PKD2: variants seen among roughly 807,000 people sequenced by gnomAD.
The protein encoded by PKD2 is polycystin 2, transient receptor potential cation channel.
Under a neutral mutation model 105.9 loss-of-function variants are expected in PKD2, and 48 were observed. The observed-to-expected ratio is 0.45, with a 90% CI of 0.36 to 0.58. PKD2 has a LOEUF of 0.58. PKD2 is among the 20% of genes least tolerant of loss of function. The probability of loss-of-function intolerance (pLI) is 0.00; values close to 1 mark genes in which losing one functional copy is unlikely to be tolerated. For synonymous variants in PKD2, 464 were observed against 481.1 expected (o/e 0.96, Z 0.46); for missense variants, 1,078 against 1,255.3 (o/e 0.86, Z 2.13).
At chr4:88,032,825 A>G (rs1341025945) in intron 2 of PKD2, among the ~76,000 whole-genome samples, 1 of 152,198 alleles carries the variant, frequency 6.6e-6, no homozygotes, top group African/African-American at 2.4e-5. Context: ...TTTGAGCTTT[A>G]CAAAAGCCCT....
In PKD2 at chr4:88,051,449, T is replaced by C. The variant is rs538667481; in HGVS notation, c.1549-542T>C. 6.6e-5 allele frequency among the ~76,000 whole-genome samples: 10 copies of C among 152,348 alleles called. No individual in the cohort carries two copies. In the South Asian group the frequency reaches 2.1e-3, roughly 32 times the overall value. Reference sequence around the variant, plus strand: ...GCAGGATTTATGCAGTTTACTTCTGTTTATTCCTCTTAGCCCTTGCACAGT... The same window carrying C: ...GCAGGATTTATGCAGTTTACTTCTGCTTATTCCTCTTAGCCCTTGCACAGT... On this transcript the variant is annotated intron_variant, in intron 6 of 14. Transcript: ENST00000237596.
chr4:88,052,255 G>A (rs1173846103), intron 7 of PKD2, 97 bp downstream of exon 7: 3 of 811,516 alleles, frequency 3.7e-6, no homozygotes, highest in African/African-American at 1.7e-5. Flanking sequence ...TGAAATTCAA[G>A]TGACCAGCCA....
At position 88,072,429 on chromosome 4, in the gene PKD2, G is replaced by C. The variant is rs376074696; in HGVS notation, c.2523-2383G>C. 7.6e-4 allele frequency among the ~76,000 whole-genome samples: 116 copies of C among 152,288 alleles called. No individual in the cohort carries two copies. The South Asian group carries it at 9.5e-3, about 13-fold the overall frequency. On this transcript the variant is annotated intron_variant, in intron 13 of 14. Transcript: ENST00000237596. ...AATCTCCATTGTTTTCAAGAGCATC[G>C]TTAGTCTTTAATTTCCTCACGCTTC...
chr4:88,055,244 T>C (rs1367468492), intron 7 of PKD2, among the ~76,000 whole-genome samples: 21 of 152,220 alleles, frequency 1.4e-4, no homozygotes, highest in Admixed American at 1.4e-3. Context: ...TTTGAGGCAA[T>C]GTACATAAAG....
chr4:88,048,840 A>G lies in PKD2; in HGVS notation c.1548+1970A>G, dbSNP rs1044277069. ...ATTTTAGCATTTAAGGAAACAGGAG[A>G]GACGATAATACTGGAAATAATTTTT... On this transcript the variant is annotated intron_variant, in intron 6 of 14. Transcript: ENST00000237596. Among the ~76,000 whole-genome samples, 8 of 152,358 alleles carry G rather than the reference A, an allele frequency of 5.3e-5. No individual in the cohort carries two copies. The East Asian group carries it at 1.5e-3, about 29-fold the overall frequency.
intron 13 of PKD2, among the ~76,000 whole-genome samples, chr4:88,072,030 C>T (rs1195147702): frequency 1.0e-4 from 15 of 145,648 alleles, no homozygotes; most frequent in African/African-American, 3.1e-4. Context: ...TTGCCCAGGC[C>T]GGAATGTAGT....
chr4:88,007,908 A>C lies in PKD2; in HGVS notation c.175A>C (p.Ile59Leu). The change falls in exon 1 of 15, where the codon ATC becomes CTC. Residue 59 changes from isoleucine to leucine, a missense_variant. Physicochemically the swap from Ile to Leu is conservative, Grantham distance 5 (BLOSUM62 2). This residue lies in a region of PKD2 where 210 missense variants were observed against 187.9 expected (regional missense o/e 1.12). Transcript: ENST00000237596. Reference protein sequence around the residue: ...QRGLEIEMQRIRQAAARDPPA... With the variant: ...QRGLEIEMQRLRQAAARDPPA... Reference sequence around the variant, plus strand: ...GGGCCTGGAGATCGAGATGCAGCGCATCCGGCAGGCGGCCGCGCGGGACCC... The same window carrying C: ...GGGCCTGGAGATCGAGATGCAGCGCCTCCGGCAGGCGGCCGCGCGGGACCC... The C allele has an allele frequency of 7.0e-7, 1 of 1,428,674 alleles. No individual in the cohort carries two copies. Among genetic ancestry groups the C allele is most frequent in the Non-Finnish European group, 9.2e-7 (1 of 1,086,134 alleles). 88.5% of individuals were successfully genotyped at this position (1,428,674 alleles called of 1,614,324 possible).
intron 2 of PKD2, among the ~76,000 whole-genome samples, chr4:88,034,836 A>T (rs1203751446): frequency 6.6e-6 from 1 of 152,156 alleles, no homozygotes; most frequent in Admixed American, 6.5e-5. Flanking sequence ...ACTGTGGTTT[A>T]AAAAATGTAT....
intron 8 of PKD2, among the ~76,000 whole-genome samples, chr4:88,056,519 G>A (rs1226885056): frequency 6.6e-6 from 1 of 152,166 alleles, no homozygotes; most frequent in Non-Finnish European, 1.5e-5. Flanking sequence ...AACCAACACT[G>A]TTCTGAAGAC....
intron 3 of PKD2, among the ~76,000 whole-genome samples, chr4:88,037,243 TC>T (rs911781092): frequency 3.4e-5 from 5 of 146,130 alleles, no homozygotes; most frequent in African/African-American, 1.3e-4. Flanking sequence ...TCAAAAAAAA[TC>T]CCCCCCAAAA....
intron 10 of PKD2, among the ~76,000 whole-genome samples, chr4:88,064,147 G>A (rs1720694386): frequency 1.3e-5 from 2 of 152,128 alleles, no homozygotes; most frequent in African/African-American, 4.8e-5. Flanking sequence ...GGGTAAGACT[G>A]TGTCTCAAAA....
intron 7 of PKD2, among the ~76,000 whole-genome samples, chr4:88,053,076 T>A (rs975638389): frequency 3.3e-5 from 5 of 152,174 alleles, no homozygotes; most frequent in Non-Finnish European, 7.3e-5. Flanking sequence ...TGCCATTCGG[T>A]CACCAGCACA....
intron 2 of PKD2, among the ~76,000 whole-genome samples, chr4:88,027,752 A>G (rs1049230492): frequency 1.3e-5 from 2 of 151,698 alleles, no homozygotes; most frequent in Non-Finnish European, 2.9e-5. Context: ...TGACTGAATC[A>G]TAGGGGCAGT....
rs115884101 is a variant in PKD2 at position 88,012,443 on chromosome 4, C to T, written c.595+4115C>T. Among the ~76,000 whole-genome samples the T allele has an allele frequency of 5.4e-3, 694 of 127,778 alleles. 7 individuals carry two copies. Among genetic ancestry groups the T allele is most frequent in the African/African-American group, 0.019 (607 of 31,426 alleles). The allele number at this position is 127,778 out of a possible 152,430, so 83.8% of individuals were successfully genotyped here. The stretch of plus-strand genomic sequence containing the variant: ...TGTCTGCATCTCTTCAGTTTATGAA[C>T]ATTTATTTATTAGGACATGCAGGAT... On this transcript the variant is annotated intron_variant, in intron 1 of 14. Coordinates refer to ENST00000237596, the MANE Select transcript of PKD2 (RefSeq NM_000297.4).
At chr4:88,049,678 C>T (rs1237603791) in intron 6 of PKD2, among the ~76,000 whole-genome samples, 4 of 152,136 alleles carry the variant, frequency 2.6e-5, no homozygotes, top group Non-Finnish European at 5.9e-5. Flanking sequence ...TGGAAAGACC[C>T]AACGCTTTTT....
intron 1 of PKD2, among the ~76,000 whole-genome samples, chr4:88,014,278 T>C (rs1726487159): frequency 6.6e-6 from 1 of 152,150 alleles, no homozygotes; most frequent in African/African-American, 2.4e-5. Context: ...GAGTGTGAGC[T>C]GTCTAGAGAA....
chr4:88,013,980 G>T (rs762469860), intron 1 of PKD2, among the ~76,000 whole-genome samples: 2 of 152,162 alleles, frequency 1.3e-5, no homozygotes, highest in Admixed American at 6.5e-5. Context: ...TTGGAACAAC[G>T]TAGAGGATAG....
In PKD2 at chr4:88,061,965, G is replaced by A. The variant is rs1720593041; in HGVS notation, c.2079G>A (p.Gln693=). 1 of 1,577,470 alleles carries A rather than the reference G, an allele frequency of 6.3e-7. No individual in the cohort carries two copies. Among genetic ancestry groups the A allele is most frequent in the Middle Eastern group, 1.7e-4 (1 of 5,980 alleles). ...CTGAAGTGAAATCTGACTTGGCACAGCAGAAAGCTGAAATGGAACTCTCAG... is the reference window on the plus strand; with the variant it reads ...CTGAAGTGAAATCTGACTTGGCACAACAGAAAGCTGAAATGGAACTCTCAG... ...TYSEVKSDLA[Q]QKAEMELSDL... The change falls in exon 10 of 15, where the codon CAG becomes CAA. Residue 693 remains glutamine (Q), a synonymous_variant. Coordinates refer to ENST00000237596, the MANE Select transcript of PKD2 (RefSeq NM_000297.4).
chr4:88,062,812 A>G (rs1720627597), intron 10 of PKD2, among the ~76,000 whole-genome samples: 1 of 152,134 alleles, frequency 6.6e-6, no homozygotes, highest in South Asian at 2.1e-4. Flanking sequence ...TCTTAAAACA[A>G]AGTCCTTGGG....
Sources: allele counts gnomAD v4.1 joint callset (sites outside exome capture counted in the v4.1 genomes callset), GRCh38; gene constraint gnomAD v4.1.1; regional missense constraint gnomAD v4.1.1; transcripts MANE v1.5; gene names NCBI Gene and HGNC (gene_info 2026-07-23, HGNC 2026-07-21).